INTS10: variants seen among roughly 807,000 people sequenced by gnomAD.
The protein encoded by INTS10 is chromosome 8 open reading frame 35.
INTS10 carries 44 observed loss-of-function variants against 94.4 expected under a neutral mutation model. That is an observed-to-expected ratio of 0.47 (90% confidence interval 0.37 to 0.60). INTS10 has a LOEUF of 0.60. Among genes scored for constraint, INTS10 ranks in the 20% least tolerant of loss-of-function variants. The probability of loss-of-function intolerance (pLI) is 0.00; values close to 1 mark genes in which losing one functional copy is unlikely to be tolerated. For synonymous variants in INTS10, 341 were observed against 320.7 expected (o/e 1.06, Z -0.68); for missense variants, 797 against 868.7 (o/e 0.92, Z 1.04).
At chr8:19,819,476 G>T in intron 2 of INTS10, 97 bp from the exon 3 acceptor site, 2 of 837,782 alleles carry the variant, frequency 2.4e-6, no homozygotes, top group Admixed American at 2.9e-5. Flanking sequence ...CATTCACTTG[G>T]AATAAAGGAA....
rs61498805 is a variant in INTS10, at chr8:19,844,970, T to C, written c.1882+732T>C. Among the ~76,000 whole-genome samples the C allele has an allele frequency of 5.0e-3, 767 of 152,166 alleles. 11 individuals carry two copies. The highest frequency in any genetic ancestry group is 0.017 in the African/African-American group (723 of 41,510). ...TGGAGTGTAGTGGTGTGATCATAGC[T>C]CACTGCAGTCTTAAACTCCTGGGCT... On this transcript the variant is annotated intron_variant, in intron 15 of 16. Coordinates refer to ENST00000397977, the MANE Select transcript of INTS10 (RefSeq NM_018142.4).
rs1262143867 is a variant in INTS10, at chr8:19,817,479, A to G, written c.-59A>G. 13 of 1,562,144 alleles carry G rather than the reference A, an allele frequency of 8.3e-6. No individual in the cohort carries two copies. The highest frequency in any genetic ancestry group is 2.7e-5 in the African/African-American group (2 of 73,702). On this transcript the variant is annotated 5_prime_UTR_variant, in exon 1 of 17. It removes the in-frame stop codon of an upstream open reading frame in the 5' UTR. Transcript: ENST00000397977. ...GCGGCGGTGGCTGCCGTGGCGGCTG[A>G]GAGTCCAGAGCCGGACGTTCCGGCC...
intron 3 of INTS10, 72 bp downstream of exon 3, chr8:19,819,748 A>T (rs533092434): frequency 1.4e-5 from 16 of 1,138,062 alleles, no homozygotes; most frequent in South Asian, 6.6e-5. Context: ...CACACAAAAA[A>T]GTCACACCTG....
chr8:19,851,318 T>A lies in INTS10; in HGVS notation c.1977-331T>A, dbSNP rs2069017259. ...AGTGTGGACTGGACCCATTTGGCCC[T>A]AAGTAACTGAATTGTGTACCAGTCA... On this transcript the variant is annotated intron_variant, in intron 16 of 16. Transcript: ENST00000397977. This position sits in a 1 kb window ranked among gnomAD's most constrained non-coding sequence, Gnocchi z 5.0. Among the ~76,000 whole-genome samples, 1 of 152,144 alleles carries A rather than the reference T, an allele frequency of 6.6e-6. No homozygotes were observed. The highest frequency in any genetic ancestry group is 2.4e-5 in the African/African-American group (1 of 41,430).
At position 19,846,160 on chromosome 8, in the gene INTS10, G is replaced by A. The variant is rs889352131; in HGVS notation, c.1976+363G>A. On this transcript the variant is annotated intron_variant, in intron 16 of 16. Transcript: ENST00000397977. This position sits in a 1 kb window ranked among gnomAD's most constrained non-coding sequence, Gnocchi z 4.2. ...TGTGTGGCCAGGCATGGTGGCTCAC[G>A]CCTGTAATCTCAACACTTTGGGAGG... Among the ~76,000 whole-genome samples, 6 of 151,888 alleles carry A rather than the reference G, an allele frequency of 4.0e-5. No individual in the cohort carries two copies. The highest frequency in any genetic ancestry group is 1.4e-4 in the African/African-American group (6 of 41,414).
In INTS10 at chr8:19,844,195, A is replaced by G. The variant is rs1373069294; in HGVS notation, c.1839A>G (p.Gln613=). 1.9e-6 allele frequency: 3 copies of G among 1,613,582 alleles called. No homozygotes were observed. The highest frequency in any genetic ancestry group is 2.5e-6 in the Non-Finnish European group (3 of 1,179,596). Reference sequence around the variant, plus strand: ...TGAAAGCTGTCAATAAAATTTGCCAACAAGGAAATTTCCAATATGAGAATT... The same window carrying G: ...TGAAAGCTGTCAATAAAATTTGCCAGCAAGGAAATTTCCAATATGAGAATT... The part of the protein sequence containing the change: ...LFLKAVNKIC[Q]QGNFQYENFF... The change falls in exon 15 of 17, where the codon CAA becomes CAG. Residue 613 remains glutamine, a synonymous_variant. Transcript: ENST00000397977.
rs1423937223 is a variant in INTS10, at chr8:19,851,173, C to T, written c.1977-476C>T. Among the ~76,000 whole-genome samples, 2 of 152,164 alleles carry T rather than the reference C, an allele frequency of 1.3e-5. No homozygotes were observed. Among genetic ancestry groups the T allele is most frequent in the Non-Finnish European group, 2.9e-5 (2 of 68,038 alleles). ...GGAGCCCTGAACCTTTCTGGGAGCA[C>T]CAGCTGCGGGGGCCATGGTGGGAGC... On this transcript the variant is annotated intron_variant, in intron 16 of 16. Coordinates refer to ENST00000397977, the MANE Select transcript of INTS10 (RefSeq NM_018142.4). This position sits in a 1 kb window ranked among gnomAD's most constrained non-coding sequence, Gnocchi z 5.0.
At chr8:19,838,936 G>A (rs527514259) in intron 13 of INTS10, among the ~76,000 whole-genome samples, 2 of 152,102 alleles carry the variant, frequency 1.3e-5, no homozygotes, top group Non-Finnish European at 2.9e-5. Flanking sequence ...GCCAGGCCTG[G>A]TGGCAGGCAC....
At chr8:19,845,116 G>C (rs1289611235) in intron 15 of INTS10, among the ~76,000 whole-genome samples, 1 of 152,068 alleles carries the variant, frequency 6.6e-6, no homozygotes, top group Admixed American at 6.6e-5. Context: ...AGAATCTAAT[G>C]AAAGTTACAT....
chr8:19,843,315 G>T lies in INTS10; in HGVS notation c.1719+388G>T, dbSNP rs963866199. ...AAGATGTGCTAGATTAAGCATGTTA[G>T]GTGTTGAGATCAACACCAGTAACAG... On this transcript the variant is annotated intron_variant, in intron 14 of 16. Transcript: ENST00000397977. This position sits in a 1 kb window ranked among gnomAD's most constrained non-coding sequence, Gnocchi z 4.7. Among the ~76,000 whole-genome samples the T allele has an allele frequency of 6.6e-6, 1 of 151,908 alleles. No homozygotes were observed. Among genetic ancestry groups the T allele is most frequent in the African/African-American group, 2.4e-5 (1 of 41,348 alleles).
At position 19,833,306 on chromosome 8, in the gene INTS10, G is replaced by A. The variant is rs2304807; in HGVS notation, c.1515G>A (p.Ala505=). The A allele has an allele frequency of 5.3e-4, 856 of 1,611,066 alleles. 20 individuals carry two copies. The East Asian group carries it at 0.019, about 35-fold the overall frequency. Residue 505 remains alanine, a synonymous_variant, in exon 12 of 17, where the codon GCG becomes GCA. Coordinates refer to ENST00000397977, the MANE Select transcript of INTS10 (RefSeq NM_018142.4). ...TCCAGCTGGCGACGTGCCACTTTGC[G>A]CTAGGGGAGTACAGAGTGAGTACTG... The part of the protein sequence containing the change: ...ALIQLATCHF[A]LGEYRMTCEK...
intron 9 of INTS10, 74 bp downstream of exon 9, chr8:19,826,633 G>T (rs1443861404): frequency 5.9e-6 from 8 of 1,364,464 alleles, no homozygotes; most frequent in African/African-American, 1.5e-5. Flanking sequence ...GTAAAATATG[G>T]CTTTGGAGCT....
intron 9 of INTS10, among the ~76,000 whole-genome samples, chr8:19,828,335 G>GA (rs1175093272): frequency 2.6e-5 from 4 of 152,058 alleles, no homozygotes; most frequent in South Asian, 2.1e-4. Context: ...ACTGGAGTTG[G>GA]GGGGTGGCCC....
At chr8:19,838,546 C>T (rs891807229) in intron 13 of INTS10, among the ~76,000 whole-genome samples, 18 of 152,142 alleles carry the variant, frequency 1.2e-4, no homozygotes, top group African/African-American at 4.3e-4. Context: ...TACACAAACT[C>T]TTATCAGAAA....
In INTS10 at chr8:19,846,970, TG is replaced by T; in HGVS notation, c.1976+1174del. Among the ~76,000 whole-genome samples, 1 of 152,332 alleles carries T rather than the reference TG, an allele frequency of 6.6e-6. No homozygotes were observed. Among genetic ancestry groups the T allele is most frequent in the Middle Eastern group, 3.4e-3 (1 of 294 alleles). ...AAAACATTTTTCTTTTTCCCTCAGT[TG>T]TGGAATAAACTAGTTTTCAGTGGTT... On this transcript the variant is annotated intron_variant, in intron 16 of 16. Transcript: ENST00000397977. This position sits in a 1 kb window ranked among gnomAD's most constrained non-coding sequence, Gnocchi z 4.2.
At chr8:19,824,697 A>G in intron 7 of INTS10, 106 bp from the exon 8 acceptor site, 1 of 693,686 alleles carries the variant, frequency 1.4e-6, no homozygotes, top group Non-Finnish European at 2.4e-6. Flanking sequence ...TTACATGCCT[A>G]GGGCAACATT....
At chr8:19,845,442 T>C in intron 15 of INTS10, 2 of 389,250 alleles carry the variant, frequency 5.1e-6, no homozygotes, top group East Asian at 3.9e-5. Context: ...CCAAGAGTTA[T>C]CTGTGCGAGG....
At chr8:19,845,487 C>T (rs2068498919) in intron 15 of INTS10, 3 of 556,100 alleles carry the variant, frequency 5.4e-6, no homozygotes, top group Non-Finnish European at 9.7e-6. Flanking sequence ...GTTTTGGCAT[C>T]AGACAGATCT....
At position 19,843,945 on chromosome 8, in the gene INTS10, C is replaced by T; in HGVS notation, c.1720-131C>T. ...CAGCCATTTCGTTGTGCCTTTGTTT[C>T]CTTCTTACTCTAATGACGTTTATCA... On this transcript the variant is annotated intron_variant, in intron 14 of 16. Coordinates refer to ENST00000397977, the MANE Select transcript of INTS10 (RefSeq NM_018142.4). This position sits in a 1 kb window ranked among gnomAD's most constrained non-coding sequence, Gnocchi z 4.7. The T allele has an allele frequency of 1.6e-6, 1 of 636,826 alleles. No homozygotes were observed. The highest frequency in any genetic ancestry group is 2.6e-6 in the Non-Finnish European group (1 of 384,474). 39.4% of individuals were successfully genotyped at this position (636,826 alleles called of 1,614,324 possible). A position where few individuals can be genotyped will look rare whatever the true frequency, so the allele number is the denominator to read the frequency against.
Sources: gnomAD v4.1 joint callset for allele counts (sites outside exome capture counted in the v4.1 genomes callset) on GRCh38, gnomAD v4.1.1 for gene constraint, Gnocchi (gnomAD v3.1) non-coding constraint, MANE v1.5 for transcripts, NCBI Gene and HGNC (gene_info 2026-07-23, HGNC 2026-07-21) for gene names.